The following RABGAP1L variants were observed in gnomAD, a reference collection of about 807,000 sequenced individuals.
RABGAP1L encodes rab GTPase-activating protein 1-like.
In RABGAP1L, 63 loss-of-function variants were observed where a neutral mutation model predicts 137.7. The observed-to-expected ratio is 0.46, with a 90% confidence interval of 0.37 to 0.56. The LOEUF (loss-of-function observed/expected upper bound fraction) is 0.56. Among genes scored for constraint, RABGAP1L ranks in the 20% least tolerant of loss-of-function variants. The probability of loss-of-function intolerance (pLI) is 0.00; values close to 1 mark genes in which losing one functional copy is unlikely to be tolerated. For synonymous variants in RABGAP1L, 431 were observed against 433.7 expected (o/e 0.99, Z 0.08); for missense variants, 1,095 against 1,244.0 (o/e 0.88, Z 1.80).
At chr1:174,498,898 T>A (rs893871701) in intron 13 of RABGAP1L, among the ~76,000 whole-genome samples, 1 of 152,136 alleles carries the variant, frequency 6.6e-6, no homozygotes, top group African/African-American at 2.4e-5. Context: ...TCTAGTGAAA[T>A]AAATTTGATA....
intron 17 of RABGAP1L, among the ~76,000 whole-genome samples, chr1:174,709,561 C>G (rs1215835312): frequency 6.6e-6 from 1 of 152,180 alleles, no homozygotes; most frequent in African/African-American, 2.4e-5. Context: ...CTCCAGCAAA[C>G]TCCAGCAGAC....
chr1:174,466,100 C>T (rs1389148205), intron 13 of RABGAP1L, among the ~76,000 whole-genome samples: 1 of 152,164 alleles, frequency 6.6e-6, no homozygotes, highest in Non-Finnish European at 1.5e-5. Context: ...CAACAGGTCA[C>T]CTTAGCTTTG....
At chr1:174,326,127 A>G (rs897308279) in intron 11 of RABGAP1L, among the ~76,000 whole-genome samples, 19 of 152,210 alleles carry the variant, frequency 1.2e-4, no homozygotes, top group Admixed American at 5.9e-4. Context: ...ATAAATATCT[A>G]ATTTGTTAAT....
chr1:174,880,248 A>G (rs1653952601), intron 19 of RABGAP1L, among the ~76,000 whole-genome samples: 3 of 152,148 alleles, frequency 2.0e-5, no homozygotes, highest in Admixed American at 2.0e-4. Context: ...TAACTGAATC[A>G]GGATAGGATA....
At chr1:174,694,116 A>C (rs190551858) in intron 15 of RABGAP1L, among the ~76,000 whole-genome samples, 3 of 152,328 alleles carry the variant, frequency 2.0e-5, no homozygotes, top group Admixed American at 1.3e-4. Flanking sequence ...AAAATCATCT[A>C]CTTCAGTAAT....
chr1:174,697,614 C>T (rs74739388), intron 15 of RABGAP1L, among the ~76,000 whole-genome samples: 11,916 of 152,062 alleles, frequency 0.078, 647 homozygotes, highest in East Asian at 0.31. Context: ...CCACCGCGCC[C>T]GGCCTGGCTA....
chr1:174,839,899 A>C (rs1315361989), intron 19 of RABGAP1L, among the ~76,000 whole-genome samples: 4 of 152,252 alleles, frequency 2.6e-5, no homozygotes, highest in Non-Finnish European at 5.9e-5. Context: ...CAAGTTAGAG[A>C]CAAGAGTCGG....
chr1:174,249,752 C>T (rs1178255945), intron 5 of RABGAP1L, among the ~76,000 whole-genome samples: 1 of 151,840 alleles, frequency 6.6e-6, no homozygotes, highest in East Asian at 1.9e-4. Flanking sequence ...AAGCAATTCT[C>T]CTGCTTCAGC....
intron 21 of RABGAP1L, among the ~76,000 whole-genome samples, chr1:174,971,260 A>G (rs974726146): frequency 2.0e-5 from 3 of 150,964 alleles, no homozygotes; most frequent in Non-Finnish European, 4.4e-5. Flanking sequence ...CATATTATAT[A>G]TGAATATAAT....
rs751530671 is a variant in RABGAP1L at position 174,304,974 on chromosome 1, T to C, written c.1324-12T>C. ...TTTCTAATACTTAAATATACTGTTA[T>C]ATTTTTCTCAGTCTGAGGGAAAAGG... is the stretch of plus-strand genomic sequence containing the variant. On this transcript the variant is annotated splice_polypyrimidine_tract_variant and intron_variant, in intron 10 of 25. Coordinates refer to ENST00000681986, the MANE Select transcript of RABGAP1L (RefSeq NM_001366446.1). The C allele has an allele frequency of 4.5e-5, 69 of 1,527,766 alleles. 1 individual carries two copies. In the East Asian group the frequency reaches 1.5e-3, roughly 33 times the overall value. 94.6% of individuals were successfully genotyped at this position (1,527,766 alleles called of 1,614,324 possible).
At chr1:174,427,136 G>A (rs551314393) in intron 13 of RABGAP1L, among the ~76,000 whole-genome samples, 42 of 131,850 alleles carry the variant, frequency 3.2e-4, no homozygotes, top group Admixed American at 1.9e-3. Flanking sequence ...ATAAACCTCC[G>A]CATGTTTATG....
At chr1:174,492,347 A>AT (rs1273015833) in intron 13 of RABGAP1L, among the ~76,000 whole-genome samples, 26,981 of 123,934 alleles carry the variant, frequency 0.22, 3,270 homozygotes, top group Non-Finnish European at 0.24. Flanking sequence ...CGCCTGACTA[A>AT]TTTTTTTTTT....
intron 13 of RABGAP1L, among the ~76,000 whole-genome samples, chr1:174,617,624 G>A (rs910670704): frequency 6.6e-6 from 1 of 152,142 alleles, no homozygotes. Context: ...GCATACAATG[G>A]CAATTATATA....
chr1:174,439,912 G>A (rs1653926339), intron 13 of RABGAP1L, among the ~76,000 whole-genome samples: 1 of 152,234 alleles, frequency 6.6e-6, no homozygotes, highest in Non-Finnish European at 1.5e-5. Context: ...GAAGACAAAG[G>A]TGAATGAAGT....
intron 15 of RABGAP1L, among the ~76,000 whole-genome samples, chr1:174,694,214 T>G (rs1679081779): frequency 6.6e-6 from 1 of 152,092 alleles, no homozygotes; most frequent in African/African-American, 2.4e-5. Flanking sequence ...TTATTATTAT[T>G]ATACTTTAAG....
intron 13 of RABGAP1L, among the ~76,000 whole-genome samples, chr1:174,519,889 A>C (rs1228604661): frequency 6.6e-6 from 1 of 152,208 alleles, no homozygotes; most frequent in Non-Finnish European, 1.5e-5. Context: ...TCTCAGCCCC[A>C]TTGTGTATTC....
At chr1:174,877,344 CTCT>C in intron 19 of RABGAP1L, 1 of 807,824 alleles carries the variant, frequency 1.2e-6, no homozygotes, top group Non-Finnish European at 1.8e-6. Context: ...TTTTTTCTTT[CTCT>C]TTCTTTCTTT....
intron 19 of RABGAP1L, among the ~76,000 whole-genome samples, chr1:174,902,400 C>T (rs1466291559): frequency 6.6e-6 from 1 of 152,222 alleles, no homozygotes; most frequent in Non-Finnish European, 1.5e-5. Context: ...CCACGCCAGT[C>T]GGTCTTAACT....
chr1:174,849,804 A>C (rs961708838), intron 19 of RABGAP1L: 3 of 544,782 alleles, frequency 5.5e-6, no homozygotes, highest in Non-Finnish European at 1.1e-5. Context: ...ATTATTGAGA[A>C]GTGTCAATGC....
Sources: allele counts gnomAD v4.1 joint callset (sites outside exome capture counted in the v4.1 genomes callset), GRCh38; gene constraint gnomAD v4.1.1; transcripts MANE v1.5; gene names NCBI Gene and HGNC (gene_info 2026-07-23, HGNC 2026-07-21).